C6orf89: variants seen among roughly 807,000 people sequenced by gnomAD.
The protein encoded by C6orf89 is chromosome 6 open reading frame 89, also known as bombesin receptor-activated protein C6orf89.
Under a neutral mutation model 40.7 loss-of-function variants are expected in C6orf89, and 29 were observed. The ratio of observed to expected loss-of-function variants is 0.71; its 90% CI spans 0.53 to 0.97. The LOEUF (loss-of-function observed/expected upper bound fraction) is 0.97, where lower values mean the gene tolerates loss of function less well. C6orf89 is among the 50% of genes least tolerant of loss of function. C6orf89 has a pLI of 0.00. For missense variants in C6orf89, 392 were observed against 429.1 expected, an observed-to-expected ratio of 0.91 and a Z score of 0.76; for synonymous variants, 165 against 152.2, an observed-to-expected ratio of 1.08 and a Z score of -0.62.
chr6:36,874,789 G>GA (rs1369747960), intron 1 of C6orf89: 10 of 1,613,684 alleles, frequency 6.2e-6, no homozygotes, highest in Non-Finnish European at 8.5e-6. Context: ...GCCGGCGGCG[G>GA]AATGCTTGTC....
At chr6:36,873,285 TC>T (rs1446798376) in intron 1 of C6orf89, among the ~76,000 whole-genome samples, 1 of 152,164 alleles carries the variant, frequency 6.6e-6, no homozygotes, top group Admixed American at 6.5e-5. Context: ...GATGTTCATC[TC>T]AGTATTTGTC....
At chr6:36,901,312 A>ATTTTTTTTTTT (rs1554136270) in intron 3 of C6orf89, among the ~76,000 whole-genome samples, 1 of 64,660 alleles carries the variant, frequency 1.5e-5, no homozygotes, top group Non-Finnish European at 3.1e-5. Context: ...TATTATTATT[A>ATTTTTTTTTTT]TTATTATTAT....
chr6:36,906,987 C>CTTAA (rs1761951098), intron 4 of C6orf89, among the ~76,000 whole-genome samples: 1 of 152,156 alleles, frequency 6.6e-6, no homozygotes, highest in South Asian at 2.1e-4. Flanking sequence ...TCCCCATGGA[C>CTTAA]TTAATTCTAT....
intron 4 of C6orf89, among the ~76,000 whole-genome samples, chr6:36,911,624 G>C (rs1403498100): frequency 2.6e-5 from 4 of 152,042 alleles, no homozygotes; most frequent in African/African-American, 9.7e-5. Flanking sequence ...CCTTTCTCCT[G>C]GTGCTTTACT....
At chr6:36,905,552 C>T (rs1318189792) in intron 4 of C6orf89, among the ~76,000 whole-genome samples, 1 of 152,180 alleles carries the variant, frequency 6.6e-6, no homozygotes, top group Non-Finnish European at 1.5e-5. Context: ...CCCAGTTCAT[C>T]CTCCCTAGTC....
chr6:36,903,339 T>C (rs1761794350), intron 4 of C6orf89, among the ~76,000 whole-genome samples: 1 of 152,220 alleles, frequency 6.6e-6, no homozygotes, highest in African/African-American at 2.4e-5. Context: ...ATATGTGTAT[T>C]AATATCACAA....
At chr6:36,896,070 T>C (rs1277008803) in intron 2 of C6orf89, among the ~76,000 whole-genome samples, 4 of 152,176 alleles carry the variant, frequency 2.6e-5, no homozygotes, top group African/African-American at 9.7e-5. Flanking sequence ...TCTCTGATGG[T>C]TAATAATGTT....
In C6orf89 at chr6:36,885,982, C is replaced by T; in HGVS notation, c.-166C>T. The T allele has an allele frequency of 8.0e-7, 1 of 1,243,814 alleles. No individual in the cohort carries two copies. Among genetic ancestry groups the T allele is most frequent in the Non-Finnish European group, 1.0e-6 (1 of 996,898 alleles). The allele number at this position is 1,243,814 out of a possible 1,614,324, so 77.0% of individuals were successfully genotyped here. ...GTTGCCCATCCTCCTCGCCCGGCGGCAGCTGTCCCCGAGGCGGGAGGAGCC... is the reference window on the plus strand; with the variant it reads ...GTTGCCCATCCTCCTCGCCCGGCGGTAGCTGTCCCCGAGGCGGGAGGAGCC... On this transcript the variant is annotated 5_prime_UTR_variant, in exon 1 of 9. Transcript: ENST00000480824.
chr6:36,895,917 C>T (rs1296123561), intron 2 of C6orf89, among the ~76,000 whole-genome samples: 1 of 152,212 alleles, frequency 6.6e-6, no homozygotes, highest in Non-Finnish European at 1.5e-5. Flanking sequence ...CTTTGCGGAA[C>T]TGCCAGGCTG....
At chr6:36,889,020 G>A (rs954598044) in intron 1 of C6orf89, among the ~76,000 whole-genome samples, 1 of 152,166 alleles carries the variant, frequency 6.6e-6, no homozygotes, top group Non-Finnish European at 1.5e-5. Flanking sequence ...GTAGATAAAT[G>A]GGTCTTGAAC....
chr6:36,922,297 G>A (rs977756857), intron 8 of C6orf89, among the ~76,000 whole-genome samples: 8 of 151,402 alleles, frequency 5.3e-5, no homozygotes, highest in Middle Eastern at 3.4e-3. Flanking sequence ...CCGAGATTGC[G>A]CCATTGCACT....
At chr6:36,896,570 T>C (rs973050802) in intron 2 of C6orf89, among the ~76,000 whole-genome samples, 4 of 152,202 alleles carry the variant, frequency 2.6e-5, no homozygotes, top group African/African-American at 9.7e-5. Flanking sequence ...ATTCTGTGGC[T>C]TGTCATTTTA....
Position 36,919,716 on chromosome 6 carries a change from A to C in C6orf89, c.949+15A>C, listed in dbSNP as rs892745873. On this transcript the variant is annotated intron_variant, in intron 8 of 8. Transcript: ENST00000480824. ...AGGGGATATCGGTATGTAGGGCCCC[A>C]GGAGGGCAGGGTCAATGGATCTTTT... The C allele has an allele frequency of 7.5e-6, 12 of 1,595,838 alleles. No homozygotes were observed. In the Admixed American group the frequency reaches 1.2e-4, roughly 16 times the overall value.
chr6:36,910,015 G>A (rs191301687), intron 4 of C6orf89, among the ~76,000 whole-genome samples: 2 of 152,156 alleles, frequency 1.3e-5, no homozygotes, highest in East Asian at 1.9e-4. Context: ...TGAGGAAACT[G>A]ATGTGCCAAG....
chr6:36,923,343 C>T lies in C6orf89; in HGVS notation c.950-4C>T. The T allele has an allele frequency of 1.9e-6, 3 of 1,612,112 alleles. No homozygotes were observed. The East Asian group carries it at 6.7e-5, about 36-fold the overall frequency. ...ATGCCTTCCTCTTGCTATTTCCCCT[C>T]AAGGCTATGTCGACACCACCCACTG... On this transcript the variant is annotated splice_region_variant and splice_polypyrimidine_tract_variant and intron_variant, in intron 8 of 8. Transcript: ENST00000480824.
At chr6:36,908,587 A>T (rs1020632099) in intron 4 of C6orf89, among the ~76,000 whole-genome samples, 39 of 152,208 alleles carry the variant, frequency 2.6e-4, no homozygotes, top group Admixed American at 4.6e-4. Flanking sequence ...TATACTTAAT[A>T]TATATAAATA....
rs75846179 is a variant in C6orf89 at position 36,909,836 on chromosome 6, G to C, written c.404-4448G>C. ...AATTCAAACAGAGGCTTATATATTAGAAATACTGATTATTTGTCTCGTATA... is the reference window on the plus strand; with the variant it reads ...AATTCAAACAGAGGCTTATATATTACAAATACTGATTATTTGTCTCGTATA... On this transcript the variant is annotated intron_variant, in intron 4 of 8. Transcript: ENST00000480824. Among the ~76,000 whole-genome samples the C allele has an allele frequency of 2.2e-3, 336 of 150,764 alleles. 4 individuals are homozygous for C. In the East Asian group the frequency reaches 0.052, roughly 23 times the overall value.
intron 4 of C6orf89, among the ~76,000 whole-genome samples, chr6:36,912,005 C>G (rs1762146634): frequency 6.7e-6 from 1 of 148,150 alleles, no homozygotes; most frequent in Non-Finnish European, 1.5e-5. Flanking sequence ...CCCAGCCTCT[C>G]TCTTCTAGGG....
chr6:36,893,585 T>C (rs1006184309), intron 1 of C6orf89, among the ~76,000 whole-genome samples: 7 of 152,196 alleles, frequency 4.6e-5, no homozygotes, highest in African/African-American at 1.7e-4. Flanking sequence ...AAGAAACGTA[T>C]TTTTTTGTGT....
Sources: allele counts gnomAD v4.1 joint callset (sites outside exome capture counted in the v4.1 genomes callset), GRCh38; gene constraint gnomAD v4.1.1; transcripts MANE v1.5; gene names NCBI Gene and HGNC (gene_info 2026-07-23, HGNC 2026-07-21).